The following SLC12A1 variants were observed in gnomAD, a reference collection of about 807,000 sequenced individuals.
SLC12A1 encodes the protein Na-K-2Cl cotransporter.
In SLC12A1, 89 loss-of-function variants were observed where a neutral mutation model predicts 130.4. The ratio of observed to expected loss-of-function variants is 0.68; its 90% CI spans 0.58 to 0.81. The LOEUF (loss-of-function observed/expected upper bound fraction) is 0.81, where lower values mean the gene tolerates loss of function less well. Ranked by LOEUF, SLC12A1 falls within the 40% of genes least tolerant of loss-of-function variation. The pLI, the probability that SLC12A1 is intolerant of heterozygous loss-of-function variation, is 0.00. For synonymous variants in SLC12A1, 499 were observed against 460.0 expected, an observed-to-expected ratio of 1.08 and a Z score of -1.09; for missense variants, 1,310 against 1,336.4, an observed-to-expected ratio of 0.98 and a Z score of 0.31.
At chr15:48,289,300 G>A (rs1186981087) in intron 23 of SLC12A1, among the ~76,000 whole-genome samples, 2 of 150,048 alleles carry the variant, frequency 1.3e-5, no homozygotes, top group African/African-American at 4.9e-5. Context: ...CCTGGAACCA[G>A]CACTTCCAGA....
Position 48,299,187 on chromosome 15 carries a change from G to C in SLC12A1, c.3008G>C (p.Ser1003Thr). 3.7e-6 allele frequency: 6 copies of C among 1,607,928 alleles called. No individual in the cohort carries two copies. The highest frequency in any genetic ancestry group is 5.1e-6 in the Non-Finnish European group (6 of 1,178,122). The part of the protein sequence containing the change: ...EMIEPYRLHE[S>T]CKDLTTAEKL... ...ATTGAACCATATCGTCTCCATGAAA[G>C]CTGCAAAGATTTAACAACTGCTGAG... The change falls in exon 25 of 27, where the codon AGC (serine) becomes ACC (threonine). Residue 1003 changes from serine (S) to threonine (T), a missense_variant. Transcript: ENST00000380993.
intron 2 of SLC12A1, among the ~76,000 whole-genome samples, chr15:48,217,295 GCAC>G (rs1251705543): frequency 1.3e-5 from 2 of 152,016 alleles, no homozygotes; most frequent in Non-Finnish European, 2.9e-5. Context: ...CCTAATTACT[GCAC>G]CAATTTCTTT....
chr15:48,285,108 G>A lies in SLC12A1; in HGVS notation c.2488G>A (p.Glu830Lys), dbSNP rs2042043472. 2 of 1,594,608 alleles carry A rather than the reference G, an allele frequency of 1.3e-6. No individual in the cohort carries two copies. Among genetic ancestry groups the A allele is most frequent in the Non-Finnish European group, 1.7e-6 (2 of 1,171,882 alleles). The change falls in exon 21 of 27, where the codon GAA becomes AAA. Residue 830 changes from glutamate to lysine, a missense_variant and splice_region_variant. Coordinates refer to ENST00000380993, the MANE Select transcript of SLC12A1 (RefSeq NM_000338.3). ...GTGATTTTGTCTTCTTTCATCAGAG[G>A]AATTAGAGAGATTAGAACAGGAGAG... ...DISQVLQVQE[E>K]LERLEQERLA...
At chr15:48,214,264 T>C (rs1374265175) in intron 2 of SLC12A1, among the ~76,000 whole-genome samples, 1 of 152,048 alleles carries the variant, frequency 6.6e-6, no homozygotes, top group African/African-American at 2.4e-5. Flanking sequence ...TAAAACAATC[T>C]CTGGGAAAAA....
At chr15:48,214,369 T>C (rs1179378321) in intron 2 of SLC12A1, among the ~76,000 whole-genome samples, 1 of 152,186 alleles carries the variant, frequency 6.6e-6, no homozygotes, top group Non-Finnish European at 1.5e-5. Context: ...ACTTGGAAAA[T>C]ATTAAGAACC....
chr15:48,263,635 C>A (rs192233867), intron 17 of SLC12A1, among the ~76,000 whole-genome samples: 6 of 148,734 alleles, frequency 4.0e-5, no homozygotes, highest in South Asian at 2.1e-4. Context: ...TGAGTCCCTG[C>A]CTAAAAAAAG....
At chr15:48,277,472 G>A (rs552956685) in intron 20 of SLC12A1, among the ~76,000 whole-genome samples, 1 of 152,250 alleles carries the variant, frequency 6.6e-6, no homozygotes, top group East Asian at 1.9e-4. Flanking sequence ...CTGGAGCAAT[G>A]GTTTACTTCT....
chr15:48,292,699 T>C (rs1012223334), intron 24 of SLC12A1, among the ~76,000 whole-genome samples: 7 of 152,164 alleles, frequency 4.6e-5, no homozygotes, highest in Non-Finnish European at 7.3e-5. Flanking sequence ...CTCCTTGCTA[T>C]GTCCTCACAT....
chr15:48,269,650 CTGTT>C lies in SLC12A1; in HGVS notation c.2296-6_2296-3del. On this transcript the variant is annotated splice_polypyrimidine_tract_variant and splice_region_variant and intron_variant, in intron 18 of 26. Transcript: ENST00000380993. ...AGGATTGCCCACATTTTTATGTCCTCTGTTTAGGCCTCAGGCTTAGGAAGAATGA... is the reference window on the plus strand; with the variant it reads ...AGGATTGCCCACATTTTTATGTCCTCTAGGCCTCAGGCTTAGGAAGAATGA... The C allele has an allele frequency of 6.4e-7, 1 of 1,558,464 alleles. No individual in the cohort carries two copies. Among genetic ancestry groups the C allele is most frequent in the South Asian group, 1.1e-5 (1 of 88,986 alleles).
rs999212774 is a variant in SLC12A1, at chr15:48,229,324, T to C, written c.860T>C (p.Leu287Pro). Residue 287 changes from leucine (L) to proline (P), a missense_variant, in exon 6 of 27, where the codon CTT becomes CCT. By Grantham distance (98) the Leu-to-Pro change is moderately conservative. Coordinates refer to ENST00000380993, the MANE Select transcript of SLC12A1 (RefSeq NM_000338.3). Reference protein sequence around the residue: ...VGFAETVVDLLKESDSMMVDP... With the variant: ...VGFAETVVDLPKESDSMMVDP... The stretch of plus-strand genomic sequence containing the variant: ...TTTGCTGAGACTGTAGTAGATCTTC[T>C]TAAGGTAATTAAAAGCTTTTCTTTT... The C allele has an allele frequency of 1.3e-6, 2 of 1,592,618 alleles. No homozygotes were observed. The highest frequency in any genetic ancestry group is 2.7e-5 in the African/African-American group (2 of 74,688).
chr15:48,246,851 C>T, intron 11 of SLC12A1, 58 bp from the exon 12 acceptor site: 1 of 1,134,646 alleles, frequency 8.8e-7, no homozygotes, highest in Non-Finnish European at 1.3e-6. Context: ...AAGCCGTTTG[C>T]TTATGAAACA....
At chr15:48,263,938 C>T (rs2141082488) in intron 17 of SLC12A1, among the ~76,000 whole-genome samples, 2 of 152,232 alleles carry the variant, frequency 1.3e-5, no homozygotes, top group Middle Eastern at 3.4e-3. Context: ...AGCGATTTGC[C>T]CTCCTCGACC....
At chr15:48,254,185 T>C (rs1344276777) in intron 15 of SLC12A1, among the ~76,000 whole-genome samples, 1 of 150,360 alleles carries the variant, frequency 6.7e-6, no homozygotes, top group Non-Finnish European at 1.5e-5. Context: ...CCATATTGCA[T>C]CTGATCTAAG....
At chr15:48,258,394 C>T (rs1241142245) in intron 16 of SLC12A1, among the ~76,000 whole-genome samples, 1 of 141,776 alleles carries the variant, frequency 7.1e-6, no homozygotes, top group Non-Finnish European at 1.5e-5. Context: ...AAAGAGTGAC[C>T]TTTACTCCAG....
chr15:48,232,921 C>G, intron 8 of SLC12A1, 83 bp downstream of exon 8: 1 of 792,958 alleles, frequency 1.3e-6, no homozygotes, highest in Non-Finnish European at 2.1e-6. Context: ...CCAACCCCAG[C>G]CTTCGGAATG....
At chr15:48,231,372 G>A (rs892449853) in intron 7 of SLC12A1, among the ~76,000 whole-genome samples, 10 of 152,214 alleles carry the variant, frequency 6.6e-5, no homozygotes, top group African/African-American at 2.4e-4. Flanking sequence ...AAGAGAATTT[G>A]TGAAAATTAG....
At chr15:48,207,217 TTACTGTATTCAA>T (rs1463503051) in intron 1 of SLC12A1, among the ~76,000 whole-genome samples, 3 of 152,240 alleles carry the variant, frequency 2.0e-5, no homozygotes, top group Non-Finnish European at 4.4e-5. Flanking sequence ...TCATCAGCTC[TTACTGTATTCAA>T]TAAGTAAAGT....
chr15:48,228,994 T>C (rs779681628), intron 5 of SLC12A1, 195 bp from the exon 6 acceptor site: 22 of 490,088 alleles, frequency 4.5e-5, no homozygotes, highest in Non-Finnish European at 7.8e-5. Context: ...AGGATACTTC[T>C]ATTGTAGATT....
intron 24 of SLC12A1, among the ~76,000 whole-genome samples, chr15:48,293,512 G>A (rs2042142346): frequency 6.6e-6 from 1 of 152,124 alleles, no homozygotes; most frequent in African/African-American, 2.4e-5. Flanking sequence ...TCCCTTTTCT[G>A]TTGACCATCA....
Sources: allele counts gnomAD v4.1 joint callset (sites outside exome capture counted in the v4.1 genomes callset), GRCh38; gene constraint gnomAD v4.1.1; transcripts MANE v1.5; gene names NCBI Gene and HGNC (gene_info 2026-07-23, HGNC 2026-07-21).